Variants in MFSD1 observed in about 807,000 individuals in gnomAD.
MFSD1 encodes the protein major facilitator superfamily domain containing 1, also known as lysosomal dipeptide transporter MFSD1.
A neutral mutation model predicts 67.1 loss-of-function variants in MFSD1; 59 were observed. That is an observed-to-expected ratio of 0.88 (90% CI 0.71 to 1.09). MFSD1 has a LOEUF of 1.09. Among genes scored for constraint, MFSD1 ranks in the 50% least tolerant of loss-of-function variants. The pLI is 0.00. For synonymous variants in MFSD1, 213 were observed against 200.3 expected (o/e 1.06, Z -0.54); for missense variants, 552 against 566.1 (o/e 0.97, Z 0.25).
chr3:158,802,178 GGGCGCTCCTGGCAGGC>G lies in MFSD1; in HGVS notation c.30_45del (p.Leu12ThrfsTer32). The G allele has an allele frequency of 6.2e-7, 1 of 1,612,256 alleles. No homozygotes were observed. ...ATGGAGGAGGAGGATGAGGAAGCGC[GGGCGCTCCTGGCAGGC>G]GGCCCTGACGAGGCCGACAGAGGTG... On this transcript the variant is annotated frameshift_variant, in exon 1 of 16. Transcript: ENST00000415822. LOFTEE classifies it high-confidence loss of function.
At chr3:158,811,151 C>T (rs1028250424) in intron 6 of MFSD1, among the ~76,000 whole-genome samples, 7 of 152,112 alleles carry the variant, frequency 4.6e-5, no homozygotes, top group South Asian at 2.1e-4. Flanking sequence ...GGATTGCTAA[C>T]GGAAAATATG....
intron 15 of MFSD1, among the ~76,000 whole-genome samples, chr3:158,827,917 A>AGG (rs1731077749): frequency 1.1e-5 from 1 of 89,780 alleles, no homozygotes; most frequent in Non-Finnish European, 2.3e-5. Context: ...AGAGAGGGGG[A>AGG]GAGAGAGAGA....
Position 158,810,199 on chromosome 3 carries a change from A to AT in MFSD1, c.549+918dup, listed in dbSNP as rs895485990. On this transcript the variant is annotated intron_variant, in intron 6 of 15. Coordinates refer to ENST00000415822, the MANE Select transcript of MFSD1 (RefSeq NM_022736.4). ...CCACCATGTGCAGCTAATTTTGTGTATTTTTTATAGAGACAACACTATGTT... is the reference window on the plus strand; with the variant it reads ...CCACCATGTGCAGCTAATTTTGTGTATTTTTTTATAGAGACAACACTATGTT... Among the ~76,000 whole-genome samples the AT allele has an allele frequency of 8.5e-5, 13 of 152,246 alleles. No homozygotes were observed. In the East Asian group the frequency reaches 2.5e-3, roughly 29 times the overall value.
rs765609709 is a variant in MFSD1, at chr3:158,809,184, G to C, written c.446G>C (p.Gly149Ala). ...MEFGRFVFGI[G>A]GESLAVAQNT... ...TTTTTTTTTTCTATTTTTAGGATTG[G>C]TGGCGAGTCCTTAGCAGTTGCCCAG... The change falls in exon 6 of 16, where the codon GGT becomes GCT. Residue 149 changes from glycine (G) to alanine (A), a missense_variant. Gly to Ala is a moderately conservative substitution (Grantham distance 60). Transcript: ENST00000415822. The C allele has an allele frequency of 4.5e-6, 7 of 1,540,040 alleles. No individual in the cohort carries two copies. The East Asian group carries it at 1.6e-4, about 35-fold the overall frequency.
chr3:158,819,614 A>T (rs1576910669), intron 7 of MFSD1, 35 bp from the exon 8 acceptor site: 1 of 1,235,102 alleles, frequency 8.1e-7, no homozygotes, highest in Non-Finnish European at 1.1e-6. Flanking sequence ...TCTCTTTTCA[A>T]AGTCTGTTTT....
rs1730674468 is a variant in MFSD1, at chr3:158,821,594, T to C, written c.864-3T>C. Reference sequence around the variant, plus strand: ...GCTAATTTCTCTGTCTTTTTAATTTTAGAGTTTTCTTTACAGAGAAATTTG... The same window carrying C: ...GCTAATTTCTCTGTCTTTTTAATTTCAGAGTTTTCTTTACAGAGAAATTTG... On this transcript the variant is annotated splice_region_variant and splice_polypyrimidine_tract_variant and intron_variant, in intron 9 of 15. Transcript: ENST00000415822. The C allele has an allele frequency of 6.3e-7, 1 of 1,598,918 alleles. No homozygotes were observed. Among genetic ancestry groups the C allele is most frequent in the Non-Finnish European group, 8.6e-7 (1 of 1,169,116 alleles).
chr3:158,802,751 A>G (rs1729523800), intron 1 of MFSD1: 2 of 356,742 alleles, frequency 5.6e-6, no homozygotes, highest in South Asian at 4.2e-5. Context: ...CCCAGCCCGG[A>G]GTGCAGTGTT....
At chr3:158,826,810 G>A (rs1190082280) in intron 14 of MFSD1, among the ~76,000 whole-genome samples, 1 of 151,780 alleles carries the variant, frequency 6.6e-6, no homozygotes, top group Non-Finnish European at 1.5e-5. Flanking sequence ...TGGGACTATA[G>A]GTGTATGCCA....
intron 7 of MFSD1, 50 bp downstream of exon 7, chr3:158,814,117 A>T: frequency 1.4e-6 from 2 of 1,420,188 alleles, no homozygotes; most frequent in Non-Finnish European, 2.0e-6. Flanking sequence ...GGCTTGTCAT[A>T]GGAAGTATCA....
At chr3:158,821,567 G>A in intron 9 of MFSD1, 30 bp from the exon 10 acceptor site, 1 of 1,489,412 alleles carries the variant, frequency 6.7e-7, no homozygotes, top group East Asian at 2.3e-5. Flanking sequence ...TCTCTCTAAT[G>A]TGCTAATTTC....
chr3:158,813,925 G>T, intron 6 of MFSD1, 40 bp from the exon 7 acceptor site: 1 of 1,423,614 alleles, frequency 7.0e-7, no homozygotes, highest in Non-Finnish European at 9.9e-7. Flanking sequence ...AGATATATAT[G>T]ATTTAAAATG....
rs1576893055 is a variant in MFSD1 at position 158,802,111 on chromosome 3, G to A, written c.-42G>A. ...CGGGCGCTGCTTCCTGCCTGGGTTT[G>A]GAGTTGTCACCACTTTCCCCTCTCC... On this transcript the variant is annotated 5_prime_UTR_variant, in exon 1 of 16. Transcript: ENST00000415822. 2 of 1,605,920 alleles carry A rather than the reference G, an allele frequency of 1.2e-6. No homozygotes were observed. The highest frequency in any genetic ancestry group is 1.7e-6 in the Non-Finnish European group (2 of 1,177,738).
chr3:158,813,859 T>G, intron 6 of MFSD1, 106 bp from the exon 7 acceptor site: 1 of 613,228 alleles, frequency 1.6e-6, no homozygotes, highest in South Asian at 2.7e-5. Context: ...TTACCTCCTG[T>G]TCAATTTGGA....
In MFSD1 at chr3:158,822,072, G is replaced by A. The variant is rs746717335; in HGVS notation, c.1009G>A (p.Ala337Thr). The change falls in exon 11 of 16, where the codon GCA (alanine) becomes ACA (threonine). Residue 337 changes from alanine (A) to threonine (T), a missense_variant. Ala to Thr is a moderately conservative substitution (Grantham distance 58). Transcript: ENST00000415822. ...TGKNIIWVLC[A>T]VAATLVSHMM... ...GAAGAACATCATCTGGGTTCTTTGC[G>A]CAGTAGCAGCCACTCTTGTGTCCCA... 43 of 1,613,812 alleles carry A rather than the reference G, an allele frequency of 2.7e-5. No homozygotes were observed. In the East Asian group the frequency reaches 5.8e-4, roughly 22 times the overall value.
intron 15 of MFSD1, among the ~76,000 whole-genome samples, chr3:158,828,380 G>C (rs1380523596): frequency 6.6e-6 from 1 of 151,818 alleles, no homozygotes; most frequent in Non-Finnish European, 1.5e-5. Context: ...TTTGAGATGG[G>C]GGTGGTTTTG....
At chr3:158,817,885 T>C (rs1356103405) in intron 7 of MFSD1, among the ~76,000 whole-genome samples, 1 of 152,190 alleles carries the variant, frequency 6.6e-6, no homozygotes, top group African/African-American at 2.4e-5. Context: ...TTCAATTTCT[T>C]TTTCTTGTAG....
In MFSD1 at chr3:158,826,042, A is replaced by G. The variant is rs1438255148; in HGVS notation, c.1316A>G (p.Tyr439Cys). ...TCACTTTTATCTGTGGTCTTACTCT[A>G]TTTGGTGAATCGTGCCCAGGGTAAG... ...SLSLLSVVLL[Y>C]LVNRAQGGNL... The change falls in exon 14 of 16, where the codon TAT becomes TGT. Residue 439 changes from tyrosine (Y) to cysteine (C), a missense_variant. Coordinates refer to ENST00000415822, the MANE Select transcript of MFSD1 (RefSeq NM_022736.4). 5.0e-6 allele frequency: 8 copies of G among 1,613,494 alleles called. No individual in the cohort carries two copies. Among genetic ancestry groups the G allele is most frequent in the Admixed American group, 3.3e-5 (2 of 59,966 alleles).
intron 6 of MFSD1, among the ~76,000 whole-genome samples, chr3:158,810,569 G>A (rs1395715167): frequency 1.3e-5 from 2 of 152,110 alleles, no homozygotes. Context: ...CTCTCGCTAT[G>A]AAAGTTCTGT....
At chr3:158,806,405 A>G (rs1053877492) in intron 3 of MFSD1, among the ~76,000 whole-genome samples, 2 of 152,210 alleles carry the variant, frequency 1.3e-5, no homozygotes, top group African/African-American at 4.8e-5. Context: ...AACATTCAGT[A>G]GAACATGGCA....
Sources: gnomAD v4.1 joint callset for allele counts (sites outside exome capture counted in the v4.1 genomes callset) on GRCh38, gnomAD v4.1.1 for gene constraint, MANE v1.5 for transcripts, NCBI Gene and HGNC (gene_info 2026-07-23, HGNC 2026-07-21) for gene names.